Variants in REV1 observed in about 807,000 individuals in gnomAD.
REV1 encodes REV1 DNA directed polymerase.
A neutral mutation model predicts 137.4 loss-of-function variants in REV1; 42 were observed. That is an observed-to-expected ratio of 0.31 (90% CI 0.24 to 0.40). REV1 has a LOEUF of 0.40. REV1 is among the 10% of genes least tolerant of loss of function. REV1 has a pLI of 1.00. For synonymous variants in REV1, 524 were observed against 519.2 expected, an observed-to-expected ratio of 1.01 and a Z score of -0.12; for missense variants, 1,282 against 1,490.1, an observed-to-expected ratio of 0.86 and a Z score of 2.30.
At chr2:99,475,838 G>C (rs1249107729) in intron 1 of REV1, among the ~76,000 whole-genome samples, 1 of 152,130 alleles carries the variant, frequency 6.6e-6, no homozygotes, top group Non-Finnish European at 1.5e-5. Flanking sequence ...ACAAAAATTA[G>C]TCAGGCGTGG....
chr2:99,470,679 T>C (rs1448896789), intron 1 of REV1, among the ~76,000 whole-genome samples: 1 of 152,226 alleles, frequency 6.6e-6, no homozygotes, highest in Non-Finnish European at 1.5e-5. Flanking sequence ...TCCTCTGCCT[T>C]TGCCTCTTTT....
chr2:99,452,138 T>A (rs1296889722), intron 3 of REV1, among the ~76,000 whole-genome samples: 2 of 151,936 alleles, frequency 1.3e-5, no homozygotes, highest in South Asian at 4.1e-4. Context: ...AGAAAAAAAA[T>A]TGGGAGCCAA....
At chr2:99,461,358 G>T (rs1052709119) in intron 3 of REV1, among the ~76,000 whole-genome samples, 5 of 152,202 alleles carry the variant, frequency 3.3e-5, no homozygotes, top group Non-Finnish European at 7.3e-5. Flanking sequence ...TGAAAATGTA[G>T]CTCCAGCTCT....
chr2:99,462,783 C>T (rs1684372008), intron 2 of REV1, 161 bp from the exon 3 acceptor site: 6 of 700,612 alleles, frequency 8.6e-6, no homozygotes, highest in South Asian at 6.9e-5. Context: ...TAAGGCAAGG[C>T]AATAAATAAA....
chr2:99,410,741 C>T lies in REV1; in HGVS notation c.2299G>A (p.Glu767Lys), dbSNP rs774116457. 1 of 1,608,738 alleles carries T rather than the reference C, an allele frequency of 6.2e-7. No homozygotes were observed. ...IMVRKPGAPV[E>K]TAKFGGHGIC... is the part of the protein sequence containing the mutation. ...CCATGGCCTCCAAATTTTGCAGTTT[C>T]TACAGGAGCCCCAGGCTTTCGTACC... Residue 767 changes from glutamate to lysine, a missense_variant, in exon 14 of 23, where the codon GAA becomes AAA. Around this residue, in one of 7 missense-constraint regions of REV1, gnomAD observed 372 missense variants for 482.3 expected, o/e 0.77. Transcript: ENST00000258428.
chr2:99,449,055 G>A (rs1682593713), intron 4 of REV1, among the ~76,000 whole-genome samples: 1 of 152,190 alleles, frequency 6.6e-6, no homozygotes, highest in Non-Finnish European at 1.5e-5. Flanking sequence ...GCCAAGGCTG[G>A]AGGACTGTTT....
At position 99,403,112 on chromosome 2, in the gene REV1, A is replaced by G. The variant is rs1269844073; in HGVS notation, c.3167-6T>C. 3 of 1,584,224 alleles carry G rather than the reference A, an allele frequency of 1.9e-6. No individual in the cohort carries two copies. On this transcript the variant is annotated splice_region_variant and splice_polypyrimidine_tract_variant and intron_variant, in intron 19 of 22. Coordinates refer to ENST00000258428, the MANE Select transcript of REV1 (RefSeq NM_016316.4). ...AAGTAAAGGATTCTTTGGCACTAAG[A>G]GCAGATGGATATAAGATCCTCAACA...
chr2:99,409,853 AC>A (rs36096966), intron 14 of REV1, among the ~76,000 whole-genome samples: 17,722 of 78,462 alleles, frequency 0.23, 2,101 homozygotes, highest in African/African-American at 0.37. Context: ...AAAACAAACA[AC>A]CCCCCCCCCC....
chr2:99,489,461 G>A (rs1687456415), intron 1 of REV1, among the ~76,000 whole-genome samples: 1 of 150,954 alleles, frequency 6.6e-6, no homozygotes, highest in Non-Finnish European at 1.5e-5. Context: ...GGTCTGACCG[G>A]GCCGGCGGGA....
At chr2:99,454,550 CAA>C (rs373850478) in intron 3 of REV1, among the ~76,000 whole-genome samples, 484 of 82,134 alleles carry the variant, frequency 5.9e-3, no homozygotes, top group East Asian at 0.013. Context: ...AACTCCAGCT[CAA>C]AAAAAAAAAA....
At chr2:99,453,099 AC>A (rs1683105189) in intron 3 of REV1, among the ~76,000 whole-genome samples, 1 of 152,188 alleles carries the variant, frequency 6.6e-6, no homozygotes, top group Non-Finnish European at 1.5e-5. Context: ...AGTGGCTCAC[AC>A]CTGTAATCCC....
At chr2:99,480,670 G>A (rs775674160) in intron 1 of REV1, among the ~76,000 whole-genome samples, 8 of 152,090 alleles carry the variant, frequency 5.3e-5, no homozygotes, top group Non-Finnish European at 1.0e-4. Flanking sequence ...CAGAGCAACT[G>A]CAATTCAAAA....
chr2:99,444,010 C>T (rs934493770), intron 4 of REV1, among the ~76,000 whole-genome samples: 5 of 151,926 alleles, frequency 3.3e-5, no homozygotes, highest in African/African-American at 4.8e-5. Context: ...TTAGTAGAGA[C>T]GGGGTTTCAC....
At chr2:99,401,564 T>C (rs1197793466) in intron 22 of REV1, among the ~76,000 whole-genome samples, 2 of 151,418 alleles carry the variant, frequency 1.3e-5, no homozygotes, top group Admixed American at 6.6e-5. Context: ...CTGGCCAACA[T>C]GGTAAAACCC....
At chr2:99,424,091 C>G in intron 10 of REV1, 61 bp downstream of exon 10, 1 of 1,559,592 alleles carries the variant, frequency 6.4e-7, no homozygotes, top group East Asian at 2.3e-5. Context: ...CTTGAACTGT[C>G]TTTACTATTA....
intron 11 of REV1, among the ~76,000 whole-genome samples, chr2:99,420,357 T>C (rs1480703518): frequency 1.3e-5 from 2 of 152,194 alleles, no homozygotes; most frequent in African/African-American, 4.8e-5. Flanking sequence ...ATATGCAACC[T>C]AACCACCTCC....
intron 1 of REV1, among the ~76,000 whole-genome samples, chr2:99,484,403 T>C (rs539348966): frequency 2.0e-5 from 3 of 152,158 alleles, no homozygotes; most frequent in Admixed American, 1.3e-4. Flanking sequence ...AATTGCCCCA[T>C]AGTCAGCAGG....
intron 5 of REV1, 47 bp downstream of exon 5, chr2:99,442,270 A>AC (rs1681603437): frequency 1.4e-5 from 20 of 1,459,008 alleles, no homozygotes; most frequent in South Asian, 1.1e-4. Flanking sequence ...AAAAAAAAAA[A>AC]AAAAAACCAA....
At chr2:99,486,252 G>A (rs1312583586) in intron 1 of REV1, among the ~76,000 whole-genome samples, 2 of 152,234 alleles carry the variant, frequency 1.3e-5, no homozygotes, top group East Asian at 3.9e-4. Flanking sequence ...GTTCTGGGCT[G>A]GGACCAGTGG....
Sources: allele counts gnomAD v4.1 joint callset (sites outside exome capture counted in the v4.1 genomes callset), GRCh38; gene constraint gnomAD v4.1.1; regional missense constraint gnomAD v4.1.1; transcripts MANE v1.5; gene names NCBI Gene and HGNC (gene_info 2026-07-23, HGNC 2026-07-21).